Variants in PPP1R16B observed in about 807,000 individuals in gnomAD.
PPP1R16B encodes protein phosphatase 1 regulatory inhibitor subunit 16B.
A neutral mutation model predicts 61.7 loss-of-function variants in PPP1R16B; 14 were observed. The observed-to-expected ratio is 0.23, with a 90% CI of 0.15 to 0.35. The LOEUF (loss-of-function observed/expected upper bound fraction) is 0.35, where lower values mean the gene tolerates loss of function less well. Among genes scored for constraint, PPP1R16B ranks in the 10% least tolerant of loss-of-function variants. The probability of loss-of-function intolerance (pLI) is 1.00; values close to 1 mark genes in which losing one functional copy is unlikely to be tolerated. For missense variants in PPP1R16B, 547 were observed against 752.5 expected (o/e 0.73, Z 3.19); for synonymous variants, 266 against 305.3 (o/e 0.87, Z 1.34).
intron 2 of PPP1R16B, among the ~76,000 whole-genome samples, chr20:38,887,687 T>G (rs1010865611): frequency 2.6e-5 from 4 of 152,234 alleles, no homozygotes; most frequent in Non-Finnish European, 5.9e-5. Context: ...AATAGCCAGA[T>G]GTAGCTAGTG....
chr20:38,826,972 C>T (rs923799315), intron 1 of PPP1R16B, among the ~76,000 whole-genome samples: 1 of 152,090 alleles, frequency 6.6e-6, no homozygotes, highest in African/African-American at 2.4e-5. Context: ...TTTTTAGAGA[C>T]AGGGTCTTGT....
At chr20:38,863,809 C>G (rs1029404808) in intron 2 of PPP1R16B, among the ~76,000 whole-genome samples, 1 of 152,186 alleles carries the variant, frequency 6.6e-6, no homozygotes, top group Admixed American at 6.5e-5. Flanking sequence ...TGAAAACGTG[C>G]ACAAAAGCCC....
chr20:38,900,760 A>T (rs2085386125), intron 5 of PPP1R16B, 76 bp downstream of exon 5: 17 of 1,175,304 alleles, frequency 1.4e-5, no homozygotes, highest in Non-Finnish European at 2.0e-5. Context: ...AATGCAGGCG[A>T]ACAGATTAGC....
At chr20:38,824,934 C>T (rs146428746) in intron 1 of PPP1R16B, among the ~76,000 whole-genome samples, 76 of 152,344 alleles carry the variant, frequency 5.0e-4, no homozygotes, top group African/African-American at 1.8e-3. Context: ...GCAGAGGTTG[C>T]AGTGAGCCAA....
At chr20:38,912,340 C>T (rs1260858936) in intron 10 of PPP1R16B, among the ~76,000 whole-genome samples, 2 of 151,940 alleles carry the variant, frequency 1.3e-5, no homozygotes, top group African/African-American at 4.8e-5. Context: ...CCTGTACCAG[C>T]AACATCAGCA....
At chr20:38,824,542 T>G (rs1327914324) in intron 1 of PPP1R16B, among the ~76,000 whole-genome samples, 1 of 152,246 alleles carries the variant, frequency 6.6e-6, no homozygotes, top group Non-Finnish European at 1.5e-5. Flanking sequence ...CAAATGTCAG[T>G]TCCATCCCAC....
chr20:38,839,676 T>G (rs1300450554), intron 2 of PPP1R16B, among the ~76,000 whole-genome samples: 1 of 119,582 alleles, frequency 8.4e-6, no homozygotes, highest in Non-Finnish European at 1.7e-5. Context: ...GATACATTAT[T>G]CTGCAATTTT....
At chr20:38,887,416 C>T (rs1185998663) in intron 2 of PPP1R16B, among the ~76,000 whole-genome samples, 3 of 152,106 alleles carry the variant, frequency 2.0e-5, no homozygotes, top group Admixed American at 6.5e-5. Context: ...GCTCACATCA[C>T]GCAAGAACTT....
At chr20:38,812,832 G>T (rs914127300) in intron 1 of PPP1R16B, among the ~76,000 whole-genome samples, 9 of 152,168 alleles carry the variant, frequency 5.9e-5, no homozygotes, top group Middle Eastern at 3.2e-3. Flanking sequence ...TGTGCCCATT[G>T]GTTAGAACTT....
intron 4 of PPP1R16B, among the ~76,000 whole-genome samples, chr20:38,895,949 C>CT (rs1422491174): frequency 2.9e-5 from 3 of 102,530 alleles, no homozygotes; most frequent in African/African-American, 4.2e-5. Flanking sequence ...TCTTCCCTCC[C>CT]TCCCTCCTTT....
intron 1 of PPP1R16B, among the ~76,000 whole-genome samples, chr20:38,827,117 TTTTAA>T (rs1005063556): frequency 5.9e-5 from 9 of 152,078 alleles, no homozygotes; most frequent in Non-Finnish European, 1.3e-4. Context: ...ACCTGGCTAA[TTTTAA>T]TTTATTTTTG....
chr20:38,911,534 CTT>C (rs753313466), intron 10 of PPP1R16B, among the ~76,000 whole-genome samples: 37 of 142,264 alleles, frequency 2.6e-4, no homozygotes, highest in Non-Finnish European at 2.9e-4. Context: ...ATCCATGCTC[CTT>C]TTTTTTTTTT....
At chr20:38,909,887 C>A (rs761014067) in intron 10 of PPP1R16B, among the ~76,000 whole-genome samples, 10 of 152,200 alleles carry the variant, frequency 6.6e-5, no homozygotes, top group Non-Finnish European at 1.5e-4. Flanking sequence ...AGTATCAAAT[C>A]ACATTTCAGA....
At chr20:38,858,221 AT>A (rs2085021798) in intron 2 of PPP1R16B, among the ~76,000 whole-genome samples, 1 of 151,990 alleles carries the variant, frequency 6.6e-6, no homozygotes, top group African/African-American at 2.4e-5. Flanking sequence ...CGATGTATGA[AT>A]TTGCGGGGAA....
At chr20:38,830,090 C>G (rs1389914717) in intron 1 of PPP1R16B, among the ~76,000 whole-genome samples, 1 of 152,228 alleles carries the variant, frequency 6.6e-6, no homozygotes, top group Non-Finnish European at 1.5e-5. Flanking sequence ...TGCCTGGGGC[C>G]TGCCACCCTG....
intron 1 of PPP1R16B, among the ~76,000 whole-genome samples, chr20:38,816,156 A>G (rs2084733959): frequency 1.3e-5 from 2 of 152,158 alleles, no homozygotes; most frequent in Non-Finnish European, 2.9e-5. Flanking sequence ...GGAAGGGGTG[A>G]GTAATTTTAG....
chr20:38,898,974 G>A (rs1200733361), intron 4 of PPP1R16B, among the ~76,000 whole-genome samples: 3 of 152,326 alleles, frequency 2.0e-5, no homozygotes, highest in Admixed American at 1.3e-4. Flanking sequence ...GAGCCAGGAA[G>A]AAAGCCAGGG....
rs181477176 is a variant in PPP1R16B at position 38,836,683 on chromosome 20, G to A, written c.250+508G>A. 2.3e-3 allele frequency among the ~76,000 whole-genome samples: 346 copies of A among 152,206 alleles called. 5 individuals carry two copies. Among genetic ancestry groups the A allele is most frequent in the African/African-American group, 7.9e-3 (328 of 41,528 alleles). On this transcript the variant is annotated intron_variant, in intron 2 of 10. Coordinates refer to ENST00000299824, the MANE Select transcript of PPP1R16B (RefSeq NM_015568.4). ...CTAGACTTTTTGTTTAAACATCTTC[G>A]TTCATTTGTTTTTATTTATTTATTT...
intron 1 of PPP1R16B, among the ~76,000 whole-genome samples, chr20:38,828,759 G>A (rs2145715056): frequency 6.6e-6 from 1 of 152,332 alleles, no homozygotes; most frequent in Middle Eastern, 3.4e-3. Flanking sequence ...CTGCTGACAG[G>A]CTCTGGCCCA....
Sources: allele counts gnomAD v4.1 joint callset (sites outside exome capture counted in the v4.1 genomes callset), GRCh38; gene constraint gnomAD v4.1.1; transcripts MANE v1.5; gene names NCBI Gene and HGNC (gene_info 2026-07-23, HGNC 2026-07-21).